The following POLR1D variants were observed in gnomAD, a reference collection of about 807,000 sequenced individuals.
POLR1D encodes DNA-directed RNA polymerases I and III subunit RPAC2.
POLR1D carries 8 observed loss-of-function variants against 10.8 expected under a neutral mutation model. That is an observed-to-expected ratio of 0.74 (90% CI 0.43 to 1.33). The LOEUF (loss-of-function observed/expected upper bound fraction) is 1.33, where lower values mean the gene tolerates loss of function less well. POLR1D is among the 40% of genes most tolerant of loss of function. The pLI is 0.01. For synonymous variants in POLR1D, 54 were observed against 57.2 expected (o/e 0.94, Z 0.25); for missense variants, 152 against 161.7 (o/e 0.94, Z 0.32).
intron 1 of POLR1D, among the ~76,000 whole-genome samples, chr13:27,630,857 G>A (rs189691861): frequency 6.6e-6 from 1 of 152,292 alleles, no homozygotes; most frequent in Admixed American, 6.5e-5. Context: ...TGGCTGGCTT[G>A]CATGAGCTGC....
At chr13:27,625,231 T>A (rs10492487), downstream of POLR1D, among the ~76,000 whole-genome samples, 20,828 of 152,072 alleles carry the variant, frequency 0.14, 1,559 homozygotes, top group Middle Eastern at 0.19. Flanking sequence ...GATTTTAGGT[T>A]CAGTGGGAAT....
intron 2 of POLR1D, among the ~76,000 whole-genome samples, chr13:27,653,290 T>C (rs567489034): frequency 1.3e-5 from 2 of 152,252 alleles, no homozygotes; most frequent in South Asian, 2.1e-4. Flanking sequence ...ATCTTTTTTT[T>C]CATAGGCAGT....
At chr13:27,636,666 C>T (rs1956127075) in intron 1 of POLR1D, among the ~76,000 whole-genome samples, 1 of 152,208 alleles carries the variant, frequency 6.6e-6, no homozygotes, top group Admixed American at 6.5e-5. Context: ...GCGCCCCTTT[C>T]TTGGTAAGCG....
At position 27,642,557 on chromosome 13, in the gene POLR1D, A is replaced by T. The variant is rs760573429; in HGVS notation, c.27-5822A>T. 4.6e-5 allele frequency among the ~76,000 whole-genome samples: 7 copies of T among 152,006 alleles called. No homozygotes were observed. The East Asian group carries it at 7.7e-4, about 17-fold the overall frequency. On this transcript the variant is annotated intron_variant, in intron 1 of 2. Transcript: ENST00000399697. ...CCATCATCATCTATTCTGTCTACAG[A>T]TGCAGTATTTTTATTTTTAAAACCT...
At position 27,623,252 on chromosome 13, in the gene POLR1D, C is replaced by T. The variant is rs1472508359; in HGVS notation, c.*2C>T. 3.1e-6 allele frequency: 5 copies of T among 1,613,544 alleles called. No individual in the cohort carries two copies. Among genetic ancestry groups the T allele is most frequent in the South Asian group, 2.2e-5 (2 of 90,742 alleles). Reference sequence around the variant, plus strand: ...AGCAGAAATGAATCCACATTCTAGTCCTTTATGCAGTATACAAGGAGAACT... The same window carrying T: ...AGCAGAAATGAATCCACATTCTAGTTCTTTATGCAGTATACAAGGAGAACT... On this transcript the variant is annotated 3_prime_UTR_variant, in exon 2 of 2. Transcript: ENST00000302979.
At chr13:27,626,267 A>G (rs867311714), downstream of POLR1D, among the ~76,000 whole-genome samples, 7 of 152,244 alleles carry the variant, frequency 4.6e-5, no homozygotes, top group Admixed American at 3.3e-4. Context: ...ATTAGTGGAC[A>G]TCAAGGTACA....
At chr13:27,629,353 A>G (rs1055305531) in intron 1 of POLR1D, among the ~76,000 whole-genome samples, 1 of 152,228 alleles carries the variant, frequency 6.6e-6, no homozygotes, top group African/African-American at 2.4e-5. Context: ...GATAACAATA[A>G]TACCATATAG....
downstream of POLR1D, among the ~76,000 whole-genome samples, chr13:27,626,421 C>T (rs568131210): frequency 5.3e-5 from 8 of 152,234 alleles, no homozygotes; most frequent in South Asian, 1.0e-3. Flanking sequence ...CATAAACTCA[C>T]GGGTTCATAC....
intron 2 of POLR1D, among the ~76,000 whole-genome samples, chr13:27,649,518 A>G (rs1404297960): frequency 5.3e-5 from 8 of 152,210 alleles, no homozygotes; most frequent in Admixed American, 5.2e-4. Flanking sequence ...TATTCTGAAA[A>G]TATTATATAG....
chr13:27,635,606 T>A (rs1956115488), intron 1 of POLR1D, among the ~76,000 whole-genome samples: 1 of 151,728 alleles, frequency 6.6e-6, no homozygotes, highest in Non-Finnish European at 1.5e-5. Flanking sequence ...ATAGTCTATC[T>A]ATGATTACTA....
chr13:27,632,884 CAAAT>C (rs1387647054), intron 1 of POLR1D, among the ~76,000 whole-genome samples: 2 of 152,094 alleles, frequency 1.3e-5, no homozygotes, highest in Non-Finnish European at 2.9e-5. Context: ...AAATGTTTAT[CAAAT>C]GAATGAATAG....
At chr13:27,621,162 G>C (rs1303209078), upstream of POLR1D, 1 of 152,708 alleles carries the variant, frequency 6.5e-6, no homozygotes, top group Admixed American at 6.5e-5. Context: ...TTCCGCAGGT[G>C]AGGAGGTTTG....
At chr13:27,652,243 C>T (rs2138560595) in intron 2 of POLR1D, among the ~76,000 whole-genome samples, 1 of 152,328 alleles carries the variant, frequency 6.6e-6, no homozygotes, top group South Asian at 2.1e-4. Context: ...AGATAGACAT[C>T]ATTTATCCTG....
intron 1 of POLR1D, among the ~76,000 whole-genome samples, chr13:27,644,260 G>C (rs1342357065): frequency 6.6e-6 from 1 of 151,908 alleles, no homozygotes; most frequent in African/African-American, 2.4e-5. Flanking sequence ...TCAATTTCTT[G>C]CTACCCCTTC....
chr13:27,634,287 T>A (rs891346597), intron 1 of POLR1D, among the ~76,000 whole-genome samples: 15 of 152,164 alleles, frequency 9.9e-5, no homozygotes, highest in African/African-American at 3.6e-4. Context: ...TCTTTAGAAG[T>A]GTTAGCTTAC....
intron 1 of POLR1D, among the ~76,000 whole-genome samples, chr13:27,628,546 A>AT (rs1280336236): frequency 3.9e-5 from 6 of 152,220 alleles, no homozygotes; most frequent in Non-Finnish European, 8.8e-5. Flanking sequence ...TGAGCCCAGA[A>AT]TTTTTTTAAA....
chr13:27,627,827 T>G (rs955617694), downstream of POLR1D, among the ~76,000 whole-genome samples: 8 of 147,318 alleles, frequency 5.4e-5, no homozygotes, highest in African/African-American at 1.8e-4. Flanking sequence ...TTTGTAATAG[T>G]CCAGGTATAA....
intron 1 of POLR1D, among the ~76,000 whole-genome samples, chr13:27,643,912 A>G (rs557564399): frequency 6.6e-6 from 1 of 152,324 alleles, no homozygotes; most frequent in Admixed American, 6.5e-5. Flanking sequence ...GAACACATCA[A>G]GAAGAGAGTA....
intron 1 of POLR1D, chr13:27,622,343 T>G: frequency 2.2e-6 from 1 of 464,496 alleles, no homozygotes; most frequent in South Asian, 2.6e-5. Flanking sequence ...TCACCTTCTT[T>G]CTATGTGCAG....
Sources: allele counts gnomAD v4.1 joint callset (sites outside exome capture counted in the v4.1 genomes callset), GRCh38; gene constraint gnomAD v4.1.1; transcripts MANE v1.5; gene names NCBI Gene and HGNC (gene_info 2026-07-23, HGNC 2026-07-21).